The following ABCC3 variants were observed in gnomAD, a reference collection of about 807,000 sequenced individuals.
The protein encoded by ABCC3 is ATP binding cassette subfamily C member 3.
A neutral mutation model predicts 165.3 loss-of-function variants in ABCC3; 121 were observed. The observed-to-expected ratio is 0.73, with a 90% confidence interval of 0.63 to 0.85. ABCC3 has a LOEUF of 0.85. Ranked by LOEUF, ABCC3 falls within the 40% of genes least tolerant of loss-of-function variation. ABCC3 has a pLI of 0.00. For synonymous variants in ABCC3, 733 were observed against 810.1 expected (o/e 0.90, Z 1.62); for missense variants, 1,869 against 1,964.1 (o/e 0.95, Z 0.92).
In ABCC3 at chr17:50,673,517, T is replaced by G. The variant is rs1967695597; in HGVS notation, c.2458T>G (p.Phe820Val). 6.2e-7 allele frequency: 1 copy of G among 1,614,144 alleles called. No individual in the cohort carries two copies. The highest frequency in any genetic ancestry group is 2.2e-5 in the East Asian group (1 of 44,868). ...CATTAGCTTCCTGCCCCAGACAGACTTCATCATTGTGCTAGCTGATGGACA... is the reference window on the plus strand; with the variant it reads ...CATTAGCTTCCTGCCCCAGACAGACGTCATCATTGTGCTAGCTGATGGACA... Reference protein sequence around the residue: ...HGISFLPQTDFIIVLADGQVS... With the variant: ...HGISFLPQTDVIIVLADGQVS... Residue 820 changes from phenylalanine to valine, a missense_variant, in exon 19 of 31, where the codon TTC (phenylalanine) becomes GTC (valine). Transcript: ENST00000285238.
chr17:50,682,725 A>G (rs1282826984), intron 26 of ABCC3, among the ~76,000 whole-genome samples: 1 of 152,178 alleles, frequency 6.6e-6, no homozygotes, highest in East Asian at 1.9e-4. Flanking sequence ...CTTGCGTTGT[A>G]TAGATTTGCT....
At position 50,665,216 on chromosome 17, in the gene ABCC3, G is replaced by A; in HGVS notation, c.1402G>A (p.Ala468Thr). The change falls in exon 11 of 31, where the codon GCT becomes ACT. Residue 468 changes from alanine to threonine, a missense_variant. By Grantham distance (58) the Ala-to-Thr change is moderately conservative. Coordinates refer to ENST00000285238, the MANE Select transcript of ABCC3 (RefSeq NM_003786.4). ...FMVLLIPLNGAVAVKMRAFQV... is the reference protein window; with the variant it reads ...FMVLLIPLNGTVAVKMRAFQV... ...GGTCTTGCTGATTCCACTCAACGGAGCTGTGGCCGTGAAGATGCGCGCCTT... is the reference window on the plus strand; with the variant it reads ...GGTCTTGCTGATTCCACTCAACGGAACTGTGGCCGTGAAGATGCGCGCCTT... The A allele has an allele frequency of 1.2e-6, 2 of 1,614,092 alleles. No individual in the cohort carries two copies. Among genetic ancestry groups the A allele is most frequent in the South Asian group, 2.2e-5 (2 of 91,084 alleles).
chr17:50,664,187 C>G (rs1170501800), intron 10 of ABCC3, 76 bp downstream of exon 10: 1 of 1,570,234 alleles, frequency 6.4e-7, no homozygotes, highest in East Asian at 2.2e-5. Flanking sequence ...TATTCTGGAA[C>G]TGGGAGCATG....
chr17:50,687,953 T>G (rs1200425421), intron 30 of ABCC3, among the ~76,000 whole-genome samples: 27 of 151,488 alleles, frequency 1.8e-4, no homozygotes, highest in African/African-American at 6.3e-4. Context: ...TTTTTCTTCT[T>G]CTTCTTCTTT....
At chr17:50,653,044 C>T (rs1173363806) in intron 1 of ABCC3, among the ~76,000 whole-genome samples, 2 of 152,150 alleles carry the variant, frequency 1.3e-5, no homozygotes, top group African/African-American at 4.8e-5. Flanking sequence ...TGACACCAAT[C>T]TGTTAAAAGA....
intron 11 of ABCC3, among the ~76,000 whole-genome samples, chr17:50,665,906 CT>C (rs1212069113): frequency 6.6e-6 from 1 of 151,880 alleles, no homozygotes; most frequent in Non-Finnish European, 1.5e-5. Context: ...GCCATCACAC[CT>C]GGCCTATTGA....
intron 8 of ABCC3, among the ~76,000 whole-genome samples, chr17:50,662,657 A>AAAG (rs1555589788): frequency 6.1e-5 from 9 of 147,740 alleles, no homozygotes; most frequent in Admixed American, 1.4e-4. Flanking sequence ...AAAAAAAAAA[A>AAAG]AGAGAGAGAG....
intron 23 of ABCC3, 119 bp from the exon 24 acceptor site, chr17:50,677,625 T>C (rs1967847058): frequency 3.0e-6 from 3 of 1,000,444 alleles, no homozygotes; most frequent in Admixed American, 2.1e-5. Context: ...CAGCGATGTC[T>C]CGTGGTGGGA....
Position 50,658,437 on chromosome 17 carries a change from C to A in ABCC3, c.615C>A (p.Asn205Lys), listed in dbSNP as rs775225857. The change falls in exon 6 of 31, where the codon AAC becomes AAA. Residue 205 changes from asparagine to lysine, a missense_variant and splice_region_variant. Coordinates refer to ENST00000285238, the MANE Select transcript of ABCC3 (RefSeq NM_003786.4). ...CGTCCTATTCTCTCGCCTTCTAGAA[C>A]CCCTACCCTGAGACCAGCGCTGGCT... is the stretch of plus-strand genomic sequence containing the variant. ...PFFSAKNVDP[N>K]PYPETSAGFL... 9 of 1,613,736 alleles carry A rather than the reference C, an allele frequency of 5.6e-6. No homozygotes were observed. The highest frequency in any genetic ancestry group is 7.6e-6 in the Non-Finnish European group (9 of 1,179,700).
At chr17:50,669,679 C>CTAAT in intron 17 of ABCC3, 151 bp downstream of exon 17, 11 of 805,714 alleles carry the variant, frequency 1.4e-5, no homozygotes, top group Non-Finnish European at 2.1e-5. Flanking sequence ...GATCTATTAG[C>CTAAT]AGATCTGTTT....
chr17:50,653,150 A>C (rs1226920162), intron 1 of ABCC3, among the ~76,000 whole-genome samples: 1 of 151,952 alleles, frequency 6.6e-6, no homozygotes, highest in African/African-American at 2.4e-5. Flanking sequence ...GTTCAAGACC[A>C]GCCTGGCCTA....
At chr17:50,673,980 C>CTTTCCTTCCTTCCT (rs1967725765) in intron 19 of ABCC3, among the ~76,000 whole-genome samples, 2 of 9,406 alleles carry the variant, frequency 2.1e-4, no homozygotes, top group Admixed American at 1.3e-3. Flanking sequence ...TTCTTTCTTT[C>CTTTCCTTCCTTCCT]TCTCTCTCTC....
intron 25 of ABCC3, chr17:50,679,557 G>A (rs1967890408): frequency 5.1e-6 from 2 of 388,406 alleles, no homozygotes; most frequent in South Asian, 1.0e-4. Context: ...TATTAAAGTT[G>A]GAGAAACAGA....
rs765266586 is a variant in ABCC3, at chr17:50,675,375, A to G, written c.2613A>G (p.Ala871=). The change falls in exon 20 of 31, where the codon GCA becomes GCG. Residue 871 remains alanine, a synonymous_variant. Coordinates refer to ENST00000285238, the MANE Select transcript of ABCC3 (RefSeq NM_003786.4). ...LEDSWTALEG[A]EDKEALLIED... ...ACCCTACTGCAGCGTTGGAAGGTGC[A>G]GAGGATAAGGAGGCACTGCTGATTG... The G allele has an allele frequency of 6.2e-7, 1 of 1,613,030 alleles. No individual in the cohort carries two copies. The highest frequency in any genetic ancestry group is 8.5e-7 in the Non-Finnish European group (1 of 1,179,400).
Position 50,659,442 on chromosome 17 carries a change from C to A in ABCC3, c.806+74C>A, listed in dbSNP as rs557204909. 9.9e-6 allele frequency: 15 copies of A among 1,511,742 alleles called. No homozygotes were observed. In the East Asian group the frequency reaches 3.5e-4, roughly 35 times the overall value. The allele number at this position is 1,511,742 out of a possible 1,614,324, so 93.6% of individuals were successfully genotyped here. A position where few individuals can be genotyped will look rare whatever the true frequency, so the allele number is the denominator to read the frequency against. Reference sequence around the variant, plus strand: ...ATCTCCTGCAGAGGACGCTGGTAGACCTTGGAGGGCGGCATTGCTGGGGTG... The same window carrying A: ...ATCTCCTGCAGAGGACGCTGGTAGAACTTGGAGGGCGGCATTGCTGGGGTG... On this transcript the variant is annotated intron_variant, in intron 7 of 30. Transcript: ENST00000285238.
intron 17 of ABCC3, among the ~76,000 whole-genome samples, chr17:50,672,406 C>T (rs1809356097): frequency 6.6e-6 from 1 of 152,184 alleles, no homozygotes; most frequent in African/African-American, 2.4e-5. Flanking sequence ...TTTGTGTGCC[C>T]ATTTATCCGT....
At position 50,691,347 on chromosome 17, in the gene ABCC3, T is replaced by C. The variant is rs373269519; in HGVS notation, c.*147T>C. The C allele has an allele frequency of 5.9e-5, 37 of 622,000 alleles. No homozygotes were observed. Among genetic ancestry groups the C allele is most frequent in the South Asian group, 4.6e-4 (25 of 54,458 alleles). 38.5% of individuals were successfully genotyped at this position (622,000 alleles called of 1,614,324 possible). On this transcript the variant is annotated 3_prime_UTR_variant, in exon 31 of 31. Transcript: ENST00000285238. ...TGTAAAGTGCCTTACAGGGTAACTG[T>C]GCTGAATGCTTTAGATGAGGAAATG...
chr17:50,684,037 G>T lies in ABCC3; in HGVS notation c.4043G>T (p.Arg1348Leu). Reference protein sequence around the residue: ...RILEAAKGEIRIDGLNVADIG... With the variant: ...RILEAAKGEILIDGLNVADIG... ...CTGGAGGCGGCAAAGGGTGAAATCC[G>T]CATTGATGGCCTCAATGTGGCAGAC... is the stretch of plus-strand genomic sequence containing the variant. Residue 1348 changes from arginine to leucine, a missense_variant, in exon 28 of 31, where the codon CGC becomes CTC. Transcript: ENST00000285238. 1.9e-6 allele frequency: 3 copies of T among 1,612,592 alleles called. No individual in the cohort carries two copies. The highest frequency in any genetic ancestry group is 1.3e-5 in the African/African-American group (1 of 74,890).
In ABCC3 at chr17:50,675,474, G is replaced by A. The variant is rs142337287; in HGVS notation, c.2712G>A (p.Met904Ile). The A allele has an allele frequency of 2.5e-4, 407 of 1,612,724 alleles. 2 individuals carry two copies. The African/African-American group carries it at 3.5e-3, about 14-fold the overall frequency. ...CCTATGTGGTCCAGAAGCAGTTTAT[G>A]AGGTGAGTTCCTGAGAGCTCCCAGC... is the stretch of plus-strand genomic sequence containing the variant. ...PVTYVVQKQF[M>I]RQLSALSSDG... is the part of the protein sequence containing the mutation. Residue 904 changes from methionine to isoleucine, a missense_variant and splice_region_variant, in exon 20 of 31, where the codon ATG becomes ATA. Transcript: ENST00000285238.
Sources: gnomAD v4.1 joint callset for allele counts (sites outside exome capture counted in the v4.1 genomes callset) on GRCh38, gnomAD v4.1.1 for gene constraint, MANE v1.5 for transcripts, NCBI Gene and HGNC (gene_info 2026-07-23, HGNC 2026-07-21) for gene names.